Variants in KIAA1217 observed in about 807,000 individuals in gnomAD.
The protein encoded by KIAA1217 is sickle tail protein homolog.
KIAA1217 carries 88 observed loss-of-function variants against 163.9 expected under a neutral mutation model. That is an observed-to-expected ratio of 0.54 (90% confidence interval 0.45 to 0.64). The LOEUF is 0.64. Ranked by LOEUF, KIAA1217 falls within the 30% of genes least tolerant of loss-of-function variation. The probability of loss-of-function intolerance (pLI) is 0.00; values close to 1 mark genes in which losing one functional copy is unlikely to be tolerated. For missense variants in KIAA1217, 2,372 were observed against 2,475.0 expected (o/e 0.96, Z 0.88); for synonymous variants, 903 against 923.1 (o/e 0.98, Z 0.39).
chr10:24,324,288 C>T (rs566130620), intron 2 of KIAA1217, among the ~76,000 whole-genome samples: 51 of 148,030 alleles, frequency 3.4e-4, no homozygotes, highest in African/African-American at 1.1e-3. Flanking sequence ...AGCAACAGGC[C>T]GGGCACTGTG....
At chr10:24,092,687 G>A (rs918545838) in intron 2 of KIAA1217, among the ~76,000 whole-genome samples, 5 of 150,770 alleles carry the variant, frequency 3.3e-5, no homozygotes, top group Admixed American at 2.0e-4. Context: ...CACTGATAAC[G>A]TTATGAAAAA....
intron 8 of KIAA1217, among the ~76,000 whole-genome samples, chr10:24,495,746 G>A (rs746973173): frequency 6.6e-6 from 1 of 152,200 alleles, no homozygotes; most frequent in African/African-American, 2.4e-5. Context: ...GCTGCAATAT[G>A]GGGATGGATG....
At chr10:23,790,177 GCATATACACATATA>G (rs1588815047) in intron 1 of KIAA1217, among the ~76,000 whole-genome samples, 3 of 50,712 alleles carry the variant, frequency 5.9e-5, no homozygotes, top group Non-Finnish European at 6.8e-5. Flanking sequence ...ATACACATAT[GCATATACACATATA>G]CACATATGCA....
intron 2 of KIAA1217, chr10:24,255,274 A>G: frequency 3.5e-6 from 1 of 288,122 alleles, no homozygotes; most frequent in Non-Finnish European, 6.9e-6. Flanking sequence ...CCTAAACCCC[A>G]CCCAGGTGGC....
intron 2 of KIAA1217, among the ~76,000 whole-genome samples, chr10:24,194,975 C>G (rs2066916021): frequency 6.6e-6 from 1 of 151,938 alleles, no homozygotes; most frequent in African/African-American, 2.4e-5. Context: ...CCAGTCTTAT[C>G]CCTCCATGCT....
chr10:23,834,473 G>A (rs1357832597), intron 1 of KIAA1217, among the ~76,000 whole-genome samples: 1 of 152,118 alleles, frequency 6.6e-6, no homozygotes, highest in African/African-American at 2.4e-5. Flanking sequence ...ACAAAACATA[G>A]TCTCTTCCCT....
At chr10:24,426,615 A>G (rs901248730) in intron 3 of KIAA1217, among the ~76,000 whole-genome samples, 1 of 151,956 alleles carries the variant, frequency 6.6e-6, no homozygotes, top group Admixed American at 6.6e-5. Context: ...ACAGAGCGAG[A>G]CTCTGTCTGA....
chr10:23,938,931 A>G (rs1052169304), intron 1 of KIAA1217, among the ~76,000 whole-genome samples: 16 of 152,244 alleles, frequency 1.1e-4, no homozygotes, highest in Admixed American at 2.6e-4. Context: ...TACATTTAAA[A>G]CAATCCAAAA....
At chr10:23,820,600 G>T (rs1339448267) in intron 1 of KIAA1217, among the ~76,000 whole-genome samples, 1 of 152,208 alleles carries the variant, frequency 6.6e-6, no homozygotes, top group Non-Finnish European at 1.5e-5. Context: ...GATAAATGTG[G>T]GTTGTCAGAG....
intron 2 of KIAA1217, among the ~76,000 whole-genome samples, chr10:24,260,241 G>A (rs1327192791): frequency 2.0e-5 from 3 of 152,018 alleles, no homozygotes; most frequent in African/African-American, 7.3e-5. Flanking sequence ...ATGAGGAAGG[G>A]GACCCGGGAA....
At chr10:24,224,507 C>T (rs2070174678) in intron 2 of KIAA1217, among the ~76,000 whole-genome samples, 13 of 151,432 alleles carry the variant, frequency 8.6e-5, no homozygotes, top group Admixed American at 8.6e-4. Context: ...ACACCATACC[C>T]AGCCAATTTT....
In KIAA1217 at chr10:23,695,979, C is replaced by T. The variant is rs1396257720; in HGVS notation, c.-321+745C>T. On this transcript the variant is annotated intron_variant, in intron 1 of 18. Coordinates refer to the KIAA1217 transcript ENST00000376462. The surrounding 1 kb of genome is among the most constrained non-coding windows in gnomAD (Gnocchi z 4.9). ...CTTCCGGCTGGCTGCCCTCCCCGCT[C>T]GCCGCTCTCCCCGCGCCGCTGCGGG... 6.6e-6 allele frequency among the ~76,000 whole-genome samples: 1 copy of T among 152,298 alleles called. No individual in the cohort carries two copies. The highest frequency in any genetic ancestry group is 1.9e-4 in the East Asian group (1 of 5,154).
chr10:24,531,030 T>TAAAAAAAAA (rs34814705), intron 14 of KIAA1217, among the ~76,000 whole-genome samples: 1 of 145,458 alleles, frequency 6.9e-6, no homozygotes, highest in African/African-American at 2.5e-5. Flanking sequence ...ACCCCGCCTG[T>TAAAAAAAAA]AAAAAAAAAA....
rs12241789 is a variant in KIAA1217, at chr10:24,146,194, A to T, written c.-170-73432A>T. On this transcript the variant is annotated intron_variant, in intron 2 of 18. Coordinates refer to the KIAA1217 transcript ENST00000376462. ...TAATCACATTTGCTCAGAAAGATAC[A>T]AAAGGGTTACATAAATAATCTCCCT... Among the ~76,000 whole-genome samples, 460 of 152,124 alleles carry T rather than the reference A, an allele frequency of 3.0e-3. 1 individual carries two copies. Among genetic ancestry groups the T allele is most frequent in the African/African-American group, 0.01 (435 of 41,458 alleles).
intron 20 of KIAA1217, chr10:24,545,509 C>T: frequency 7.7e-7 from 1 of 1,294,016 alleles, no homozygotes; most frequent in Non-Finnish European, 9.8e-7. Flanking sequence ...CACTCCGTCA[C>T]AATGCCCGAC....
At chr10:24,309,610 A>G (rs190418651) in intron 2 of KIAA1217, among the ~76,000 whole-genome samples, 31 of 152,306 alleles carry the variant, frequency 2.0e-4, no homozygotes, top group Non-Finnish European at 2.9e-4. Context: ...AATTTACAAA[A>G]TCATCGTAGT....
intron 1 of KIAA1217, among the ~76,000 whole-genome samples, chr10:24,218,114 G>C (rs1361458725): frequency 6.6e-6 from 1 of 152,200 alleles, no homozygotes; most frequent in Admixed American, 6.5e-5. Flanking sequence ...TTCATGAAGA[G>C]AGCCTGTCTA....
chr10:24,039,791 GATATAGATAGATATAGAT>G (rs750781158), intron 2 of KIAA1217, among the ~76,000 whole-genome samples: 7 of 133,720 alleles, frequency 5.2e-5, no homozygotes, highest in Non-Finnish European at 1.1e-4. Context: ...GCATGATATA[GATATAGATAGATATAGAT>G]ATAGATATAG....
chr10:23,706,305 T>C (rs1836879343), intron 1 of KIAA1217, among the ~76,000 whole-genome samples: 1 of 152,162 alleles, frequency 6.6e-6, no homozygotes, highest in Non-Finnish European at 1.5e-5. Context: ...TGTAATACAA[T>C]GTTAAACAGA....
Sources: gnomAD v4.1 joint callset for allele counts (sites outside exome capture counted in the v4.1 genomes callset) on GRCh38, gnomAD v4.1.1 for gene constraint, Gnocchi (gnomAD v3.1) non-coding constraint, MANE v1.5 for transcripts, NCBI Gene and HGNC (gene_info 2026-07-23, HGNC 2026-07-21) for gene names.